CNOT9: variants seen among roughly 807,000 people sequenced by gnomAD.
The protein encoded by CNOT9 is CCR4-NOT transcription complex subunit 9, also known as RCD1 required for cell differentiation1 homolog.
A neutral mutation model predicts 37.4 loss-of-function variants in CNOT9; 8 were observed. That is an observed-to-expected ratio of 0.21 (90% CI 0.13 to 0.39). CNOT9 has a LOEUF of 0.39. Ranked by LOEUF, CNOT9 falls within the 10% of genes least tolerant of loss-of-function variation. CNOT9 has a pLI of 1.00. For synonymous variants in CNOT9, 120 were observed against 137.6 expected (o/e 0.87, Z 0.90); for missense variants, 154 against 365.3 (o/e 0.42, Z 4.71).
intron 3 of CNOT9, 141 bp from the exon 4 acceptor site, chr2:218,584,471 T>C: frequency 1.4e-6 from 1 of 709,526 alleles, no homozygotes; most frequent in Non-Finnish European, 2.6e-6. Context: ...TTGAGACTAA[T>C]GACCAGTAAC....
chr2:218,579,822 G>A (rs140910441), intron 1 of CNOT9, among the ~76,000 whole-genome samples: 15 of 146,304 alleles, frequency 1.0e-4, no homozygotes, highest in South Asian at 2.1e-4. Context: ...TTATTTATTT[G>A]TTTGTTTGTT....
chr2:218,575,386 T>C (rs1694132512), intron 1 of CNOT9, among the ~76,000 whole-genome samples: 1 of 143,062 alleles, frequency 7.0e-6, no homozygotes, highest in Non-Finnish European at 1.6e-5. Flanking sequence ...TTTTCTTTTT[T>C]CTTTTTTTTT....
intron 7 of CNOT9, chr2:218,593,197 G>A (rs1334184099): frequency 4.0e-6 from 1 of 249,794 alleles, no homozygotes; most frequent in African/African-American, 2.2e-5. Context: ...TTTTAGAAAT[G>A]TTTGACCTTT....
In CNOT9 at chr2:218,580,493, T is replaced by A; in HGVS notation, c.25-68T>A. 9 of 1,342,806 alleles carry A rather than the reference T, an allele frequency of 6.7e-6. No homozygotes were observed. The South Asian group carries it at 9.1e-5, about 14-fold the overall frequency. The allele number at this position is 1,342,806 out of a possible 1,614,324, so 83.2% of individuals were successfully genotyped here. ...ATGAAAAATATATTTCCTCTAAAAC[T>A]CTGTTGCAGGGTAAGACTTGGTTTG... On this transcript the variant is annotated intron_variant, in intron 1 of 7. Coordinates refer to ENST00000273064, the MANE Select transcript of CNOT9 (RefSeq NM_005444.3).
chr2:218,585,475 A>G (rs1694557403), intron 4 of CNOT9, among the ~76,000 whole-genome samples: 1 of 149,166 alleles, frequency 6.7e-6, no homozygotes, highest in Non-Finnish European at 1.5e-5. Context: ...GGGGAGGCTG[A>G]GGCAGGAGAA....
chr2:218,578,755 A>G (rs1694263463), intron 1 of CNOT9, among the ~76,000 whole-genome samples: 1 of 152,194 alleles, frequency 6.6e-6, no homozygotes, highest in Non-Finnish European at 1.5e-5. Flanking sequence ...TTAGCAGTTT[A>G]GAGCTTAGGG....
chr2:218,596,606 T>C lies in CNOT9; in HGVS notation c.*2330T>C, dbSNP rs1694931254. On this transcript the variant is annotated 3_prime_UTR_variant, in exon 8 of 8. Coordinates refer to ENST00000273064, the MANE Select transcript of CNOT9 (RefSeq NM_005444.3). Reference sequence around the variant, plus strand: ...AGTGGTTCTTTTGTGAACATGTTTTTTGGGGAGACTCCATCTGAGGTACAA... The same window carrying C: ...AGTGGTTCTTTTGTGAACATGTTTTCTGGGGAGACTCCATCTGAGGTACAA... The C allele has an allele frequency of 6.6e-6, 1 of 152,148 alleles. No individual in the cohort carries two copies. Among genetic ancestry groups the C allele is most frequent in the South Asian group, 2.1e-4 (1 of 4,820 alleles). 9.4% of individuals were successfully genotyped at this position (152,148 alleles called of 1,614,324 possible).
At chr2:218,584,536 C>A in intron 3 of CNOT9, 76 bp from the exon 4 acceptor site, 2 of 1,029,896 alleles carry the variant, frequency 1.9e-6, no homozygotes, top group Non-Finnish European at 3.1e-6. Context: ...ACAGAATTAA[C>A]CACCTAGAAA....
At chr2:218,586,677 C>G (rs1694607543) in intron 4 of CNOT9, among the ~76,000 whole-genome samples, 1 of 151,956 alleles carries the variant, frequency 6.6e-6, no homozygotes, top group African/African-American at 2.4e-5. Flanking sequence ...TTAATAGAGA[C>G]AGGGTTTCAC....
chr2:218,593,861 C>G, intron 7 of CNOT9: 1 of 1,212,038 alleles, frequency 8.3e-7, no homozygotes, highest in Non-Finnish European at 1.1e-6. Flanking sequence ...AACTATTGAA[C>G]CTTTTAATTT....
At chr2:218,573,950 A>G in intron 1 of CNOT9, 2 of 407,934 alleles carry the variant, frequency 4.9e-6, no homozygotes, top group Non-Finnish European at 9.8e-6. Context: ...AAAGAACAGG[A>G]CTGTTGACTT....
At chr2:218,589,695 T>G (rs1419239048) in intron 5 of CNOT9, among the ~76,000 whole-genome samples, 1 of 152,136 alleles carries the variant, frequency 6.6e-6, no homozygotes, top group Non-Finnish European at 1.5e-5. Context: ...GCAGTGGCTA[T>G]TCACAGCCAT....
intron 7 of CNOT9, chr2:218,593,633 C>T: frequency 7.1e-7 from 1 of 1,409,940 alleles, no homozygotes; most frequent in Non-Finnish European, 9.3e-7. Context: ...CTGCTCATCT[C>T]TTATTAAGGT....
intron 1 of CNOT9, among the ~76,000 whole-genome samples, chr2:218,573,182 A>G (rs1016324936): frequency 6.6e-6 from 1 of 151,972 alleles, no homozygotes; most frequent in Admixed American, 6.6e-5. Flanking sequence ...GCCTGGCGTC[A>G]TGGCATGCGC....
intron 1 of CNOT9, chr2:218,574,089 C>T: frequency 7.4e-6 from 3 of 407,316 alleles, no homozygotes; most frequent in South Asian, 5.1e-5. Flanking sequence ...CCCACCTCAG[C>T]CTCTTGAGTA....
Position 218,594,208 on chromosome 2 carries a change from C to T in CNOT9, c.832C>T (p.Gln278Ter). ...DDTTTKRWLAQLVKNLQEGQV... is the reference protein window; with the variant it reads ...DDTTTKRWLA ...CACCACCACGAAACGCTGGCTTGCA[C>T]AACTGGTGAAGAACCTGCAAGAGGG... The change falls in exon 8 of 8, where the codon CAA becomes TAA. Residue 278 changes from glutamine (Q) to a stop codon, truncating the protein, a stop_gained. Coordinates refer to ENST00000273064, the MANE Select transcript of CNOT9 (RefSeq NM_005444.3). LOFTEE classifies it high-confidence loss of function. The T allele has an allele frequency of 6.2e-7, 1 of 1,614,232 alleles. No individual in the cohort carries two copies. The highest frequency in any genetic ancestry group is 8.5e-7 in the Non-Finnish European group (1 of 1,180,032).
intron 1 of CNOT9, among the ~76,000 whole-genome samples, chr2:218,576,012 G>A (rs982628153): frequency 1.3e-5 from 2 of 152,136 alleles, no homozygotes; most frequent in African/African-American, 2.4e-5. Context: ...TGGTTTCATC[G>A]ATTGTTAAAT....
At chr2:218,584,969 C>G (rs1694538739) in intron 4 of CNOT9, among the ~76,000 whole-genome samples, 1 of 152,140 alleles carries the variant, frequency 6.6e-6, no homozygotes, top group African/African-American at 2.4e-5. Context: ...GAAACATTTG[C>G]TGGAATTGTA....
At chr2:218,588,588 C>CTTTTTTTTTTTTTTTTTTTTTTTTTT (rs1172484260) in intron 5 of CNOT9, among the ~76,000 whole-genome samples, 1 of 33,450 alleles carries the variant, frequency 3.0e-5, no homozygotes, top group African/African-American at 1.4e-4. Context: ...TCCACCCGGC[C>CTTTTTTTTTTTTTTTTTTTTTTTTTT]TTTTTTTTTT....
Sources: gnomAD v4.1 joint callset for allele counts (sites outside exome capture counted in the v4.1 genomes callset) on GRCh38, gnomAD v4.1.1 for gene constraint, MANE v1.5 for transcripts, NCBI Gene and HGNC (gene_info 2026-07-23, HGNC 2026-07-21) for gene names.